The following ARMH1 variants were observed in gnomAD, a reference collection of about 807,000 sequenced individuals.
The protein encoded by ARMH1 is armadillo-like helical domain containing protein 1.
ARMH1 carries 34 observed loss-of-function variants against 50.2 expected under a neutral mutation model. The ratio of observed to expected loss-of-function variants is 0.68; its 90% CI spans 0.51 to 0.90. The LOEUF (loss-of-function observed/expected upper bound fraction) is 0.90, where lower values mean the gene tolerates loss of function less well. Among genes scored for constraint, ARMH1 ranks in the 40% least tolerant of loss-of-function variants. The pLI is 0.00. For missense variants in ARMH1, 538 were observed against 553.9 expected (o/e 0.97, Z 0.29); for synonymous variants, 221 against 224.2 (o/e 0.99, Z 0.13).
At chr1:44,708,643 G>A (rs1032166578) in intron 6 of ARMH1, among the ~76,000 whole-genome samples, 1 of 152,148 alleles carries the variant, frequency 6.6e-6, no homozygotes, top group African/African-American at 2.4e-5. Context: ...ACAGGAGGCG[G>A]AGGGGCTTAG....
intron 1 of ARMH1, among the ~76,000 whole-genome samples, chr1:44,675,887 G>T (rs1277042022): frequency 1.3e-5 from 2 of 152,048 alleles, no homozygotes; most frequent in African/African-American, 4.8e-5. Context: ...TTGAACCTGG[G>T]AGGTAGAGGT....
At chr1:44,699,239 G>A (rs1221129912) in intron 4 of ARMH1, among the ~76,000 whole-genome samples, 3 of 144,298 alleles carry the variant, frequency 2.1e-5, no homozygotes, top group East Asian at 2.1e-4. Context: ...AGCCGAGATC[G>A]CGCCACTGCA....
At chr1:44,685,696 C>T (rs568219166) in intron 1 of ARMH1, among the ~76,000 whole-genome samples, 2 of 151,104 alleles carry the variant, frequency 1.3e-5, no homozygotes, top group East Asian at 3.9e-4. Context: ...GGCACAATCT[C>T]GGCTCACTGC....
chr1:44,720,005 G>A (rs539854363), intron 6 of ARMH1, among the ~76,000 whole-genome samples: 2 of 152,164 alleles, frequency 1.3e-5, no homozygotes, highest in African/African-American at 4.8e-5. Flanking sequence ...GACCAGCCTG[G>A]CCAACATGGT....
intron 4 of ARMH1, among the ~76,000 whole-genome samples, chr1:44,699,113 T>G (rs1480500694): frequency 1.6e-4 from 25 of 151,840 alleles, no homozygotes; most frequent in Non-Finnish European, 3.4e-4. Context: ...AAACCCCGTC[T>G]CTACTGAAAA....
chr1:44,689,355 G>C (rs141703302), intron 1 of ARMH1: 1 of 269,494 alleles, frequency 3.7e-6, no homozygotes, highest in Non-Finnish European at 7.3e-6. Flanking sequence ...GAGTCACCAC[G>C]CCCGGCCTTG....
intron 6 of ARMH1, among the ~76,000 whole-genome samples, chr1:44,708,196 G>T (rs1277898964): frequency 6.6e-6 from 1 of 152,206 alleles, no homozygotes; most frequent in Non-Finnish European, 1.5e-5. Context: ...GGTCCTACAT[G>T]TGGTCCTAAA....
intron 4 of ARMH1, among the ~76,000 whole-genome samples, chr1:44,699,783 G>T (rs1028430380): frequency 6.6e-6 from 1 of 151,344 alleles, no homozygotes; most frequent in African/African-American, 2.4e-5. Context: ...AGTGAGGCAT[G>T]TAAAAGAGAT....
At chr1:44,723,494 C>T (rs988866802) in intron 6 of ARMH1, among the ~76,000 whole-genome samples, 7 of 152,186 alleles carry the variant, frequency 4.6e-5, no homozygotes. Context: ...CAAATCCTCC[C>T]CTCCTTCTGC....
intron 1 of ARMH1, among the ~76,000 whole-genome samples, chr1:44,685,566 C>T (rs1645442498): frequency 1.3e-5 from 2 of 152,032 alleles, no homozygotes; most frequent in Non-Finnish European, 2.9e-5. Context: ...CTGCCTCAGC[C>T]TCCCAACATA....
intron 2 of ARMH1, among the ~76,000 whole-genome samples, chr1:44,690,580 T>C (rs941478824): frequency 1.1e-4 from 16 of 152,208 alleles, no homozygotes; most frequent in Non-Finnish European, 1.5e-5. Context: ...CATTTATATA[T>C]GCTGAAATCT....
chr1:44,683,064 G>T lies in ARMH1; in HGVS notation c.-22-6612G>T, dbSNP rs574391918. On this transcript the variant is annotated intron_variant, in intron 1 of 11. Coordinates refer to ENST00000535358, the MANE Select transcript of ARMH1 (RefSeq NM_001145636.2). The surrounding 1 kb of genome is among the most constrained non-coding windows in gnomAD (Gnocchi z 4.2). The stretch of plus-strand genomic sequence containing the variant: ...AACAAGGGTGTGAAACTGAAATAGC[G>T]GCAGTGGAGGTGAAGACAGACAGAC... 6.6e-6 allele frequency among the ~76,000 whole-genome samples: 1 copy of T among 152,334 alleles called. No homozygotes were observed. Among genetic ancestry groups the T allele is most frequent in the Non-Finnish European group, 1.5e-5 (1 of 68,030 alleles).
At position 44,681,247 on chromosome 1, in the gene ARMH1, A is replaced by G. The variant is rs192574297; in HGVS notation, c.-23+6374A>G. Among the ~76,000 whole-genome samples the G allele has an allele frequency of 7.3e-4, 111 of 152,202 alleles. No individual in the cohort carries two copies. The highest frequency in any genetic ancestry group is 2.6e-3 in the African/African-American group (109 of 41,536). ...CCTGACCTCGTGATCTGTCTGCCTCAGCCTCCCAAAGTGCTGGGATTACAA... is the reference window on the plus strand; with the variant it reads ...CCTGACCTCGTGATCTGTCTGCCTCGGCCTCCCAAAGTGCTGGGATTACAA... On this transcript the variant is annotated intron_variant, in intron 1 of 11. Coordinates refer to ENST00000535358, the MANE Select transcript of ARMH1 (RefSeq NM_001145636.2). The surrounding 1 kb of genome is among the most constrained non-coding windows in gnomAD (Gnocchi z 4.3).
chr1:44,703,753 A>C (rs762513910), intron 5 of ARMH1, among the ~76,000 whole-genome samples: 1 of 137,056 alleles, frequency 7.3e-6, no homozygotes, highest in Non-Finnish European at 1.6e-5. Flanking sequence ...CTTTTTTTTG[A>C]GACGGCTCTG....
At chr1:44,690,328 T>TA (rs898162261) in intron 2 of ARMH1, among the ~76,000 whole-genome samples, 4 of 151,834 alleles carry the variant, frequency 2.6e-5, no homozygotes, top group Admixed American at 6.6e-5. Context: ...ATCTGGTGTT[T>TA]AAAAAAAAGT....
In ARMH1 at chr1:44,716,892, C is replaced by G. The variant is rs148363017; in HGVS notation, c.725-7230C>G. On this transcript the variant is annotated intron_variant, in intron 6 of 11. Coordinates refer to ENST00000535358, the MANE Select transcript of ARMH1 (RefSeq NM_001145636.2). ...TTGAGACGGAGTCTCACTCTGTAACCTAGGCTGGAGTGCAGTGGCGCGATC... is the reference window on the plus strand; with the variant it reads ...TTGAGACGGAGTCTCACTCTGTAACGTAGGCTGGAGTGCAGTGGCGCGATC... Among the ~76,000 whole-genome samples the G allele has an allele frequency of 4.9e-3, 740 of 150,984 alleles. 8 individuals are homozygous for G. The highest frequency in any genetic ancestry group is 0.017 in the African/African-American group (717 of 41,040).
At position 44,678,907 on chromosome 1, in the gene ARMH1, G is replaced by A. The variant is rs116498816; in HGVS notation, c.-23+4034G>A. Among the ~76,000 whole-genome samples, 335 of 152,298 alleles carry A rather than the reference G, an allele frequency of 2.2e-3. 3 individuals are homozygous for A. The highest frequency in any genetic ancestry group is 7.9e-3 in the African/African-American group (327 of 41,558). ...GCCAAGGACCTTTGGCTTAGCATGA[G>A]AGCTGAGGCTTTTGAGATTGTGTGA... On this transcript the variant is annotated intron_variant, in intron 1 of 11. Transcript: ENST00000535358.
In ARMH1 at chr1:44,682,937, C is replaced by T. The variant is rs758547430; in HGVS notation, c.-22-6739C>T. Among the ~76,000 whole-genome samples the T allele has an allele frequency of 1.2e-4, 19 of 152,034 alleles. No individual in the cohort carries two copies. Among genetic ancestry groups the T allele is most frequent in the Non-Finnish European group, 2.2e-4 (15 of 68,002 alleles). The stretch of plus-strand genomic sequence containing the variant: ...CCTGGGTGACAGAGCAAGGCCCTGT[C>T]TCAAAAATAAAAATAAAAATAAAAA... On this transcript the variant is annotated intron_variant, in intron 1 of 11. Transcript: ENST00000535358. This position sits in a 1 kb window ranked among gnomAD's most constrained non-coding sequence, Gnocchi z 4.5.
rs145961125 is a variant in ARMH1 at position 44,689,225 on chromosome 1, G to C, written c.-22-451G>C. On this transcript the variant is annotated intron_variant, in intron 1 of 11. Transcript: ENST00000535358. ...TACAGGTGCCTGCCACCACGCCCAG[G>C]TAATTTTTTGTATGTTTAGTAGAGA... 1,342 of 158,054 alleles carry C rather than the reference G, an allele frequency of 8.5e-3. 19 individuals carry two copies. Among genetic ancestry groups the C allele is most frequent in the African/African-American group, 0.03 (1,246 of 41,500 alleles). The allele number at this position is 158,054 out of a possible 1,614,324, so 9.8% of individuals were successfully genotyped here. A position where few individuals can be genotyped will look rare whatever the true frequency, so the allele number is the denominator to read the frequency against.
Sources: gnomAD v4.1 joint callset for allele counts (sites outside exome capture counted in the v4.1 genomes callset) on GRCh38, gnomAD v4.1.1 for gene constraint, Gnocchi (gnomAD v3.1) non-coding constraint, MANE v1.5 for transcripts, NCBI Gene and HGNC (gene_info 2026-07-23, HGNC 2026-07-21) for gene names.